The following GTSE1 variants were observed in gnomAD, a reference collection of about 807,000 sequenced individuals.
GTSE1 encodes the protein G2 and S phase-expressed protein 1.
A neutral mutation model predicts 60.5 loss-of-function variants in GTSE1; 52 were observed. The ratio of observed to expected loss-of-function variants is 0.86; its 90% CI spans 0.69 to 1.08. The LOEUF (loss-of-function observed/expected upper bound fraction) is 1.08. Ranked by LOEUF, GTSE1 falls within the 50% of genes least tolerant of loss-of-function variation. The pLI is 0.00. For missense variants in GTSE1, 937 were observed against 961.8 expected, an observed-to-expected ratio of 0.97 and a Z score of 0.34; for synonymous variants, 368 against 386.5, an observed-to-expected ratio of 0.95 and a Z score of 0.56.
chr22:46,300,732 C>T (rs1044952144), intron 2 of GTSE1, among the ~76,000 whole-genome samples: 4 of 152,312 alleles, frequency 2.6e-5, no homozygotes, highest in South Asian at 4.1e-4. Flanking sequence ...CGGGACCCCT[C>T]GGAGCCAGTC....
chr22:46,310,796 G>T lies in GTSE1; in HGVS notation c.763-1345G>T, dbSNP rs551328778. On this transcript the variant is annotated intron_variant, in intron 4 of 11. Transcript: ENST00000454366. This position sits in a 1 kb window ranked among gnomAD's most constrained non-coding sequence, Gnocchi z 4.4. ...AATACAAAAATTAGCCAAGTATGGTGGTGCACACCTGTAATCCCAGCTACT... is the reference window on the plus strand; with the variant it reads ...AATACAAAAATTAGCCAAGTATGGTTGTGCACACCTGTAATCCCAGCTACT... Among the ~76,000 whole-genome samples, 1 of 152,190 alleles carries T rather than the reference G, an allele frequency of 6.6e-6. No homozygotes were observed. Among genetic ancestry groups the T allele is most frequent in the African/African-American group, 2.4e-5 (1 of 41,446 alleles).
rs554618997 is a variant in GTSE1, at chr22:46,307,813, T to TA, written c.80-323dup. Among the ~76,000 whole-genome samples, 973 of 142,046 alleles carry TA rather than the reference T, an allele frequency of 6.8e-3. 2 individuals carry two copies. The highest frequency in any genetic ancestry group is 0.036 in the Middle Eastern group (10 of 280). 93.2% of individuals were successfully genotyped at this position (142,046 alleles called of 152,430 possible). On this transcript the variant is annotated intron_variant, in intron 2 of 11. Coordinates refer to ENST00000454366, the MANE Select transcript of GTSE1 (RefSeq NM_016426.7). ...ACCGCCCCCAGCCGGCTGATGCAAT[T>TA]AAAAAAAAAAAAAACTGGCCAGGCA... is the stretch of plus-strand genomic sequence containing the variant.
At chr22:46,312,334 T>C in intron 5 of GTSE1, 29 bp downstream of exon 5, 1 of 1,590,474 alleles carries the variant, frequency 6.3e-7, no homozygotes, top group South Asian at 1.1e-5. Context: ...CCCAAACTTG[T>C]GGTTGCTGGG....
chr22:46,308,944 G>A lies in GTSE1; in HGVS notation c.762+1G>A, dbSNP rs1329058821. Reference sequence around the variant, plus strand: ...AAGCATCCCTGGGGCTGCGGAGAAGGTAAATGCCACAGCAGAGCGCCTGCC... The same window carrying A: ...AAGCATCCCTGGGGCTGCGGAGAAGATAAATGCCACAGCAGAGCGCCTGCC... On this transcript the variant is annotated splice_donor_variant, in intron 4 of 11. Coordinates refer to ENST00000454366, the MANE Select transcript of GTSE1 (RefSeq NM_016426.7). LOFTEE classifies it high-confidence loss of function. 1 of 1,606,934 alleles carries A rather than the reference G, an allele frequency of 6.2e-7. No individual in the cohort carries two copies.
Position 46,316,267 on chromosome 22 carries a change from G to A in GTSE1, c.1287G>A (p.Gln429=), listed in dbSNP as rs1164580359. 2 of 1,613,952 alleles carry A rather than the reference G, an allele frequency of 1.2e-6. No individual in the cohort carries two copies. Among genetic ancestry groups the A allele is most frequent in the Non-Finnish European group, 8.5e-7 (1 of 1,180,032 alleles). Reference sequence around the variant, plus strand: ...CCCAGACTCCGGAAGGTGGCGGCCAGTGGCTGAACTCCAGTTGCGCTTGGT... The same window carrying A: ...CCCAGACTCCGGAAGGTGGCGGCCAATGGCTGAACTCCAGTTGCGCTTGGT... ...TQPQTPEGGG[Q]WLNSSCAWSE... The change falls in exon 7 of 12, where the codon CAG becomes CAA. Residue 429 remains glutamine (Q), a synonymous_variant. Transcript: ENST00000454366. This position sits in a 1 kb window ranked among gnomAD's most constrained non-coding sequence, Gnocchi z 5.0.
Position 46,308,339 on chromosome 22 carries a change from T to G in GTSE1, c.158T>G (p.Val53Gly), listed in dbSNP as rs2077726832. The change falls in exon 4 of 12, where the codon GTC becomes GGC. Residue 53 changes from valine to glycine, a missense_variant. Coordinates refer to ENST00000454366, the MANE Select transcript of GTSE1 (RefSeq NM_016426.7). The part of the protein sequence containing the change: ...SSSSANEDDE[V>G]FFGPFGHKER... ...AATAGTGCAAATGAAGATGATGAAG[T>G]CTTCTTCGGACCCTTTGGACATAAA... is the stretch of plus-strand genomic sequence containing the variant. The G allele has an allele frequency of 2.5e-6, 4 of 1,613,308 alleles. No individual in the cohort carries two copies. Among genetic ancestry groups the G allele is most frequent in the Non-Finnish European group, 3.4e-6 (4 of 1,179,432 alleles).
intron 6 of GTSE1, 140 bp from the exon 7 acceptor site, chr22:46,315,892 G>A: frequency 1.6e-6 from 1 of 622,586 alleles, no homozygotes; most frequent in East Asian, 2.9e-5. Context: ...GTTTGATGAT[G>A]TTGCCTGAAG....
Position 46,329,272 on chromosome 22 carries a change from C to T in GTSE1, c.1927-86C>T. 1 of 1,162,898 alleles carries T rather than the reference C, an allele frequency of 8.6e-7. No individual in the cohort carries two copies. The highest frequency in any genetic ancestry group is 1.3e-6 in the Non-Finnish European group (1 of 778,118). 72.0% of individuals were successfully genotyped at this position (1,162,898 alleles called of 1,614,324 possible). On this transcript the variant is annotated intron_variant, in intron 10 of 11. Coordinates refer to ENST00000454366, the MANE Select transcript of GTSE1 (RefSeq NM_016426.7). The surrounding 1 kb of genome is among the most constrained non-coding windows in gnomAD (Gnocchi z 6.4). ...TTGGCTTTCCAAACCGCCAGCCCAC[C>T]TGGAACATGAGCAAAGCTCACATTC... is the stretch of plus-strand genomic sequence containing the variant.
chr22:46,304,810 C>T lies in GTSE1; in HGVS notation c.80-3340C>T, dbSNP rs1056132176. 6.6e-6 allele frequency among the ~76,000 whole-genome samples: 1 copy of T among 152,150 alleles called. No homozygotes were observed. Among genetic ancestry groups the T allele is most frequent in the Non-Finnish European group, 1.5e-5 (1 of 68,034 alleles). ...CCTGGGCAACATGAGGAGATCCCAT[C>T]TCTACAAAAAATACAAATATTAGCC... On this transcript the variant is annotated intron_variant, in intron 2 of 11. Transcript: ENST00000454366. The surrounding 1 kb of genome is among the most constrained non-coding windows in gnomAD (Gnocchi z 4.4).
chr22:46,329,959 G>T lies in GTSE1; in HGVS notation c.2137-88G>T. 1.2e-6 allele frequency: 1 copy of T among 813,936 alleles called. No homozygotes were observed. Among genetic ancestry groups the T allele is most frequent in the South Asian group, 1.4e-5 (1 of 72,370 alleles). The allele number at this position is 813,936 out of a possible 1,614,324, so 50.4% of individuals were successfully genotyped here. ...GCCAGGATGAGCGAGTGGCTGTGAT[G>T]ACCCACGCAGCCAGTCCTCTGTGCA... is the stretch of plus-strand genomic sequence containing the variant. On this transcript the variant is annotated intron_variant, in intron 11 of 11. Transcript: ENST00000454366. The surrounding 1 kb of genome is among the most constrained non-coding windows in gnomAD (Gnocchi z 6.4).
rs894627089 is a variant in GTSE1, at chr22:46,321,217, C to G, written c.1433-1973C>G. Among the ~76,000 whole-genome samples the G allele has an allele frequency of 5.6e-4, 85 of 152,260 alleles. No individual in the cohort carries two copies. The highest frequency in any genetic ancestry group is 1.9e-3 in the African/African-American group (78 of 41,542). ...TCCATACAAGAAAACAAACACCAGC[C>G]TGGGCGACACAGTGAGACCCCGATT... On this transcript the variant is annotated intron_variant, in intron 7 of 11. Coordinates refer to ENST00000454366, the MANE Select transcript of GTSE1 (RefSeq NM_016426.7). The surrounding 1 kb of genome is among the most constrained non-coding windows in gnomAD (Gnocchi z 4.0).
At chr22:46,326,309 G>A in intron 8 of GTSE1, 127 bp from the exon 9 acceptor site, 1 of 715,148 alleles carries the variant, frequency 1.4e-6, no homozygotes, top group Non-Finnish European at 2.2e-6. Flanking sequence ...AGCTCACACG[G>A]GCTCCCTGGC....
At position 46,326,536 on chromosome 22, in the gene GTSE1, C is replaced by G. The variant is rs765339862; in HGVS notation, c.1606C>G (p.Arg536Gly). The change falls in exon 9 of 12, where the codon CGG becomes GGG. Residue 536 changes from arginine to glycine, a missense_variant. By Grantham distance (125) the Arg-to-Gly change is moderately radical (BLOSUM62 -2). Coordinates refer to ENST00000454366, the MANE Select transcript of GTSE1 (RefSeq NM_016426.7). ...RVSALPTPAS[R>G]RCSGLPPMTP... ...GTCAGCCTTGCCCACACCCGCCAGC[C>G]GGCGCTGCTCTGGCCTTCCACCGAT... 6.8e-6 allele frequency: 11 copies of G among 1,614,124 alleles called. No individual in the cohort carries two copies. The South Asian group carries it at 1.2e-4, about 18-fold the overall frequency.
At chr22:46,299,091 T>C (rs912538350) in intron 2 of GTSE1, among the ~76,000 whole-genome samples, 2 of 152,274 alleles carry the variant, frequency 1.3e-5, no homozygotes, top group Non-Finnish European at 2.9e-5. Context: ...CACTTTTCTA[T>C]CGCCAGTCAG....
chr22:46,313,901 G>GAA lies in GTSE1; in HGVS notation c.940_941dup (p.Thr315ArgfsTer4). On this transcript the variant is annotated frameshift_variant, in exon 6 of 12. Transcript: ENST00000454366. LOFTEE classifies it high-confidence loss of function. This position sits in a 1 kb window ranked among gnomAD's most constrained non-coding sequence, Gnocchi z 4.4. Reference sequence around the variant, plus strand: ...ACATTTTGCCCCAGTTGGGGCTGAAGAAGACCCTGTTAAAAGCACCCGGCT... The same window carrying GAA: ...ACATTTTGCCCCAGTTGGGGCTGAAGAAAAGACCCTGTTAAAAGCACCCGGCT... The GAA allele has an allele frequency of 6.2e-7, 1 of 1,614,190 alleles. No homozygotes were observed. Among genetic ancestry groups the GAA allele is most frequent in the South Asian group, 1.1e-5 (1 of 91,090 alleles).
intron 6 of GTSE1, 143 bp from the exon 7 acceptor site, chr22:46,315,889 G>A (rs2077776160): frequency 1.7e-6 from 1 of 605,252 alleles, no homozygotes; most frequent in Non-Finnish European, 2.8e-6. Context: ...TGTGTTTGAT[G>A]ATGTTGCCTG....
rs1419414525 is a variant in GTSE1, at chr22:46,321,491, C to T, written c.1433-1699C>T. Among the ~76,000 whole-genome samples the T allele has an allele frequency of 6.6e-6, 1 of 152,172 alleles. No homozygotes were observed. The highest frequency in any genetic ancestry group is 2.4e-5 in the African/African-American group (1 of 41,442). ...TTGACTCAGCTGTGTGCGAGCTGCG[C>T]GCCTCTCCAGTGCTGGGGTGAACAT... On this transcript the variant is annotated intron_variant, in intron 7 of 11. Coordinates refer to ENST00000454366, the MANE Select transcript of GTSE1 (RefSeq NM_016426.7). The surrounding 1 kb of genome is among the most constrained non-coding windows in gnomAD (Gnocchi z 4.0).
At position 46,316,178 on chromosome 22, in the gene GTSE1, G is replaced by A. The variant is rs765110566; in HGVS notation, c.1198G>A (p.Val400Ile). ...GGCATCCTCCTGGCAGGCCAAGCGG[G>A]TCGATGTTTCTGAGCTGGCAGCGGA... Reference protein sequence around the residue: ...VGASSWQAKRVDVSELAAEQL... With the variant: ...VGASSWQAKRIDVSELAAEQL... Residue 400 changes from valine (V) to isoleucine (I), a missense_variant, in exon 7 of 12, where the codon GTC (valine) becomes ATC (isoleucine). Coordinates refer to ENST00000454366, the MANE Select transcript of GTSE1 (RefSeq NM_016426.7). The surrounding 1 kb of genome is among the most constrained non-coding windows in gnomAD (Gnocchi z 5.0). 6.8e-6 allele frequency: 11 copies of A among 1,613,450 alleles called. No individual in the cohort carries two copies. Among genetic ancestry groups the A allele is most frequent in the South Asian group, 6.6e-5 (6 of 91,038 alleles).
chr22:46,329,566 A>G lies in GTSE1; in HGVS notation c.2135A>G (p.Gln712Arg), dbSNP rs1025100817. The part of the protein sequence containing the change: ...NVAKPSPVVG[Q>R]LIDLSSPLIQ... ...GCCAAACCTTCACCGGTGGTGGGAC[A>G]GGTGAGAAGTGGCAGGTGGTTCATG... The change falls in exon 11 of 12, where the codon CAG becomes CGG. Residue 712 changes from glutamine to arginine, a missense_variant and splice_region_variant. Gln to Arg is a conservative substitution (Grantham distance 43, BLOSUM62 1). Transcript: ENST00000454366. This position sits in a 1 kb window ranked among gnomAD's most constrained non-coding sequence, Gnocchi z 6.4. 6 of 1,611,706 alleles carry G rather than the reference A, an allele frequency of 3.7e-6. No homozygotes were observed. The highest frequency in any genetic ancestry group is 5.1e-6 in the Non-Finnish European group (6 of 1,177,860).
Sources: allele counts gnomAD v4.1 joint callset (sites outside exome capture counted in the v4.1 genomes callset), GRCh38; gene constraint gnomAD v4.1.1; non-coding constraint Gnocchi (gnomAD v3.1); transcripts MANE v1.5; gene names NCBI Gene and HGNC (gene_info 2026-07-23, HGNC 2026-07-21).